Variants in DMXL1 observed in about 807,000 individuals in gnomAD.
DMXL1 encodes the protein Dmx like 1, also known as dmX-like protein 1.
DMXL1 carries 99 observed loss-of-function variants against 319.2 expected under a neutral mutation model. The ratio of observed to expected loss-of-function variants is 0.31; its 90% confidence interval spans 0.26 to 0.37. The LOEUF (loss-of-function observed/expected upper bound fraction) is 0.37. DMXL1 is among the 10% of genes least tolerant of loss of function. The pLI is 1.00. For synonymous variants in DMXL1, 1,385 were observed against 1,235.2 expected, an observed-to-expected ratio of 1.12 and a Z score of -2.54; for missense variants, 3,745 against 3,595.6, an observed-to-expected ratio of 1.04 and a Z score of -1.06.
intron 1 of DMXL1, among the ~76,000 whole-genome samples, chr5:119,096,279 C>A (rs1311202912): frequency 6.6e-6 from 1 of 151,388 alleles, no homozygotes; most frequent in African/African-American, 2.4e-5. Context: ...CGGGTTCAAG[C>A]GATTCTCCTG....
intron 19 of DMXL1, among the ~76,000 whole-genome samples, chr5:119,158,490 C>T (rs192576045): frequency 6.6e-6 from 1 of 152,126 alleles, no homozygotes. Flanking sequence ...TGTCTAAATG[C>T]TCTGGCAGGG....
In DMXL1 at chr5:119,213,142, TTTTTCA is replaced by T. The variant is rs536413010; in HGVS notation, c.7927-3745_7927-3740del. ...ATAAATTGCTCTGTAGCAAATTTGT[TTTTTCA>T]TTTTCATTTTCATACTTTTTCCTTG... is the stretch of plus-strand genomic sequence containing the variant. On this transcript the variant is annotated intron_variant, in intron 34 of 43. Coordinates refer to ENST00000539542, the MANE Select transcript of DMXL1 (RefSeq NM_001290321.3). Among the ~76,000 whole-genome samples the T allele has an allele frequency of 5.2e-4, 79 of 152,344 alleles. 1 individual carries two copies. Among genetic ancestry groups the T allele is most frequent in the African/African-American group, 1.8e-3 (74 of 41,578 alleles).
chr5:119,085,865 C>T (rs1040194249), intron 1 of DMXL1, among the ~76,000 whole-genome samples: 4 of 152,030 alleles, frequency 2.6e-5, no homozygotes, highest in Non-Finnish European at 5.9e-5. Flanking sequence ...TCCTCCTATG[C>T]CCAGTTTGTT....
At chr5:119,110,535 C>T (rs1397059535) in intron 5 of DMXL1, among the ~76,000 whole-genome samples, 1 of 152,066 alleles carries the variant, frequency 6.6e-6, no homozygotes, top group African/African-American at 2.4e-5. Flanking sequence ...ACAAACTTGC[C>T]AAATTATATG....
intron 39 of DMXL1, 140 bp from the exon 40 acceptor site, chr5:119,237,182 C>T (rs1466336481): frequency 2.3e-6 from 1 of 440,770 alleles, no homozygotes; most frequent in African/African-American, 2.0e-5. Flanking sequence ...GAAATAGATC[C>T]ATGTATAGGT....
At chr5:119,128,431 T>C in intron 9 of DMXL1, 1 of 193,876 alleles carries the variant, frequency 5.2e-6, no homozygotes, top group East Asian at 1.2e-4. Context: ...AGCAGATCTC[T>C]TGCTGACTGA....
At chr5:119,094,346 T>C (rs1378024247) in intron 1 of DMXL1, among the ~76,000 whole-genome samples, 1 of 152,196 alleles carries the variant, frequency 6.6e-6, no homozygotes, top group Non-Finnish European at 1.5e-5. Context: ...CTGCCTGTGC[T>C]CTACAAGTGG....
chr5:119,203,095 G>C (rs1781120405), intron 32 of DMXL1, among the ~76,000 whole-genome samples: 1 of 151,788 alleles, frequency 6.6e-6, no homozygotes, highest in Non-Finnish European at 1.5e-5. Flanking sequence ...TACATTATCA[G>C]ACTTGAGTAG....
intron 42 of DMXL1, 103 bp downstream of exon 42, chr5:119,240,574 C>A: frequency 3.5e-6 from 3 of 856,106 alleles, no homozygotes; most frequent in Non-Finnish European, 5.5e-6. Flanking sequence ...TATTTATTAA[C>A]CCATGAGATT....
In DMXL1 at chr5:119,172,112, A is replaced by G. The variant is rs984373023; in HGVS notation, c.6681+143A>G. On this transcript the variant is annotated intron_variant, in intron 25 of 43. Coordinates refer to ENST00000539542, the MANE Select transcript of DMXL1 (RefSeq NM_001290321.3). ...CATTGCCAAGTTTATGTTGATTCCT[A>G]TTAAAGAAATCTTCTGGTTGTAGAC... 5.4e-6 allele frequency: 4 copies of G among 739,542 alleles called. No homozygotes were observed. In the East Asian group the frequency reaches 1.2e-4, roughly 22 times the overall value. The allele number at this position is 739,542 out of a possible 1,614,324, so 45.8% of individuals were successfully genotyped here.
intron 42 of DMXL1, among the ~76,000 whole-genome samples, chr5:119,240,909 C>T (rs866733579): frequency 6.6e-6 from 1 of 152,024 alleles, no homozygotes; most frequent in African/African-American, 2.4e-5. Flanking sequence ...TAAAATATCC[C>T]AAAGAATCTA....
rs548742273 is a variant in DMXL1, at chr5:119,246,446, A to G, written c.8923-549A>G. ...CCTTGTTACCTACATTGTTTCTCTT[A>G]CTCTCTTACTAGATGGATTTTTAAG... On this transcript the variant is annotated intron_variant, in intron 43 of 43. Coordinates refer to ENST00000539542, the MANE Select transcript of DMXL1 (RefSeq NM_001290321.3). 9.2e-5 allele frequency among the ~76,000 whole-genome samples: 14 copies of G among 152,076 alleles called. No individual in the cohort carries two copies. In the East Asian group the frequency reaches 2.7e-3, roughly 29 times the overall value.
At chr5:119,071,811 T>G (rs1285067249) in intron 1 of DMXL1, among the ~76,000 whole-genome samples, 155 bp downstream of exon 1, 1 of 151,916 alleles carries the variant, frequency 6.6e-6, no homozygotes, top group Non-Finnish European at 1.5e-5. Context: ...CCTTGAGAAC[T>G]AAGGAAGCAA....
At chr5:119,183,150 T>C (rs1777072204) in intron 28 of DMXL1, among the ~76,000 whole-genome samples, 1 of 152,216 alleles carries the variant, frequency 6.6e-6, no homozygotes, top group South Asian at 2.1e-4. Context: ...ATTCTAGACA[T>C]AAAGTTTATT....
Position 119,150,163 on chromosome 5 carries a change from C to G in DMXL1, c.4336C>G (p.Leu1446Val), listed in dbSNP as rs772618591. 15 of 1,613,554 alleles carry G rather than the reference C, an allele frequency of 9.3e-6. No homozygotes were observed. In the Admixed American group the frequency reaches 2.5e-4, roughly 27 times the overall value. The part of the protein sequence containing the change: ...NQLSKESYDE[L>V]FQTQLLMTDT... Reference sequence around the variant, plus strand: ...ATTATCTAAAGAAAGTTATGATGAGCTTTTTCAGACTCAACTTCTAATGAC... The same window carrying G: ...ATTATCTAAAGAAAGTTATGATGAGGTTTTTCAGACTCAACTTCTAATGAC... The change falls in exon 18 of 44, where the codon CTT becomes GTT. Residue 1446 changes from leucine (L) to valine (V), a missense_variant. Around this residue, in one of 4 missense-constraint regions of DMXL1, gnomAD observed 2,096 missense variants for 1,985.4 expected, o/e 1.06. Transcript: ENST00000539542.
Position 119,247,287 on chromosome 5 carries a change from A to G in DMXL1, c.*68A>G, listed in dbSNP as rs1423107460. The G allele has an allele frequency of 2.9e-6, 3 of 1,044,972 alleles. No homozygotes were observed. The highest frequency in any genetic ancestry group is 1.7e-5 in the South Asian group (1 of 58,268). 64.7% of individuals were successfully genotyped at this position (1,044,972 alleles called of 1,614,324 possible). A position where few individuals can be genotyped will look rare whatever the true frequency, so the allele number is the denominator to read the frequency against. On this transcript the variant is annotated 3_prime_UTR_variant, in exon 44 of 44. Transcript: ENST00000539542. ...TGGCCAACAGATATAATATACAGTGATCATTCTCTATGCCACAAATTAGCT... is the reference window on the plus strand; with the variant it reads ...TGGCCAACAGATATAATATACAGTGGTCATTCTCTATGCCACAAATTAGCT...
At position 119,073,173 on chromosome 5, in the gene DMXL1, C is replaced by G. The variant is rs149510059; in HGVS notation, c.87+1517C>G. 9.9e-3 allele frequency among the ~76,000 whole-genome samples: 1,512 copies of G among 152,294 alleles called. 24 individuals carry two copies. The highest frequency in any genetic ancestry group is 0.036 in the South Asian group (172 of 4,830). On this transcript the variant is annotated intron_variant, in intron 1 of 43. Transcript: ENST00000539542. ...GACCTCCCCGGCACAAGCCGTCCTTCCACCTTAGGCTCCTGAGGAGCTAGG... is the reference window on the plus strand; with the variant it reads ...GACCTCCCCGGCACAAGCCGTCCTTGCACCTTAGGCTCCTGAGGAGCTAGG...
intron 30 of DMXL1, among the ~76,000 whole-genome samples, chr5:119,194,445 C>A (rs182918399): frequency 1.3e-5 from 2 of 152,338 alleles, no homozygotes; most frequent in Non-Finnish European, 2.9e-5. Context: ...TCACCTCTAG[C>A]TCCAATACTG....
At chr5:119,117,459 G>C (rs944149605) in intron 7 of DMXL1, among the ~76,000 whole-genome samples, 1 of 152,082 alleles carries the variant, frequency 6.6e-6, no homozygotes, top group Non-Finnish European at 1.5e-5. Context: ...CTATAGTGTA[G>C]CTATAGCCAG....
Sources: allele counts gnomAD v4.1 joint callset (sites outside exome capture counted in the v4.1 genomes callset), GRCh38; gene constraint gnomAD v4.1.1; regional missense constraint gnomAD v4.1.1; transcripts MANE v1.5; gene names NCBI Gene and HGNC (gene_info 2026-07-23, HGNC 2026-07-21).